The following MAP3K5 variants were observed in gnomAD, a reference collection of about 807,000 sequenced individuals.
MAP3K5 encodes the protein mitogen-activated protein kinase kinase kinase 5.
Under a neutral mutation model 158.7 loss-of-function variants are expected in MAP3K5, and 56 were observed. That is an observed-to-expected ratio of 0.35 (90% CI 0.28 to 0.44). The LOEUF (loss-of-function observed/expected upper bound fraction) is 0.44. Ranked by LOEUF, MAP3K5 falls within the 20% of genes least tolerant of loss-of-function variation. MAP3K5 has a pLI of 1.00. For missense variants in MAP3K5, 1,294 were observed against 1,674.8 expected, an observed-to-expected ratio of 0.77 and a Z score of 3.97; for synonymous variants, 579 against 601.7, an observed-to-expected ratio of 0.96 and a Z score of 0.55.
In MAP3K5 at chr6:136,777,688, T is replaced by C. The variant is rs968005143; in HGVS notation, c.448+14022A>G. 2.4e-4 allele frequency among the ~76,000 whole-genome samples: 37 copies of C among 152,212 alleles called. 1 individual carries two copies. Among genetic ancestry groups the C allele is most frequent in the African/African-American group, 6.0e-4 (25 of 41,452 alleles). On this transcript the variant is annotated intron_variant, in intron 1 of 29. Coordinates refer to ENST00000359015, the MANE Select transcript of MAP3K5 (RefSeq NM_005923.4). Reference sequence around the variant, plus strand: ...TTCAGAGGTAGCCCAGATTTCTCCATTAGAACATGTTTTATGTATATCAAA... The same window carrying C: ...TTCAGAGGTAGCCCAGATTTCTCCACTAGAACATGTTTTATGTATATCAAA...
At chr6:136,563,092 T>C (rs1830590152) in intron 26 of MAP3K5, among the ~76,000 whole-genome samples, 1 of 152,160 alleles carries the variant, frequency 6.6e-6, no homozygotes. Flanking sequence ...ACTGTATTTA[T>C]AATGAGCTCC....
chr6:136,773,819 T>A (rs1784304589), intron 1 of MAP3K5, among the ~76,000 whole-genome samples: 1 of 152,050 alleles, frequency 6.6e-6, no homozygotes, highest in African/African-American at 2.4e-5. Flanking sequence ...AGCTAATTTT[T>A]CTATTTTTAG....
intron 1 of MAP3K5, among the ~76,000 whole-genome samples, chr6:136,772,022 C>T (rs1198628255): frequency 6.6e-6 from 1 of 151,578 alleles, no homozygotes; most frequent in African/African-American, 2.4e-5. Context: ...GATTCTCCTG[C>T]CTCAGCCTCC....
intron 1 of MAP3K5, among the ~76,000 whole-genome samples, chr6:136,734,998 G>A (rs984288456): frequency 5.3e-5 from 8 of 152,118 alleles, no homozygotes; most frequent in Admixed American, 2.6e-4. Context: ...TTACCTAATC[G>A]TCCTATACCT....
chr6:136,578,959 C>T (rs777521497), intron 25 of MAP3K5, among the ~76,000 whole-genome samples: 4 of 151,294 alleles, frequency 2.6e-5, no homozygotes, highest in Non-Finnish European at 4.4e-5. Flanking sequence ...CAGCTTGAGC[C>T]CAGGGGTTTG....
intron 23 of MAP3K5, 95 bp from the exon 24 acceptor site, chr6:136,583,835 TTTC>T: frequency 8.3e-7 from 1 of 1,208,956 alleles, no homozygotes. Context: ...CACATTTTTT[TTTC>T]TTTTGGTAGA....
intron 1 of MAP3K5, among the ~76,000 whole-genome samples, chr6:136,784,820 AT>A (rs200925896): frequency 1.3e-5 from 2 of 151,498 alleles, no homozygotes; most frequent in Non-Finnish European, 2.9e-5. Flanking sequence ...TCCCCCACTA[AT>A]TTTTTTTTAA....
chr6:136,588,608 C>G (rs1775244128), intron 23 of MAP3K5, among the ~76,000 whole-genome samples: 2 of 152,174 alleles, frequency 1.3e-5, no homozygotes, highest in Non-Finnish European at 2.9e-5. Context: ...CAGTGCCTGG[C>G]CTTCGACTGA....
chr6:136,751,362 T>C (rs1254180791), intron 1 of MAP3K5, among the ~76,000 whole-genome samples: 1 of 152,220 alleles, frequency 6.6e-6, no homozygotes, highest in Non-Finnish European at 1.5e-5. Context: ...TAGAATTTAC[T>C]AGCATTAAGG....
chr6:136,715,038 G>A (rs1781462255), intron 2 of MAP3K5, among the ~76,000 whole-genome samples: 1 of 152,088 alleles, frequency 6.6e-6, no homozygotes, highest in African/African-American at 2.4e-5. Flanking sequence ...TTCAGCCAAT[G>A]GTTAAAGATA....
chr6:136,744,980 A>G (rs6939769), intron 1 of MAP3K5, among the ~76,000 whole-genome samples: 11,974 of 152,202 alleles, frequency 0.079, 1,572 homozygotes, highest in African/African-American at 0.27. Context: ...ATCCATTATC[A>G]TGCTCCTTAG....
At chr6:136,706,342 C>CTT (rs1781076813) in intron 2 of MAP3K5, among the ~76,000 whole-genome samples, 1 of 152,016 alleles carries the variant, frequency 6.6e-6, no homozygotes, top group Non-Finnish European at 1.5e-5. Context: ...TGAGATCATA[C>CTT]AAATAATATA....
intron 29 of MAP3K5, among the ~76,000 whole-genome samples, 200 bp from the exon 30 acceptor site, chr6:136,558,018 T>G (rs544490120): frequency 6.6e-6 from 1 of 152,234 alleles, no homozygotes; most frequent in Non-Finnish European, 1.5e-5. Context: ...CAAACTGCTA[T>G]GTCCCAAAAC....
chr6:136,744,711 G>A (rs1668438335), intron 1 of MAP3K5, among the ~76,000 whole-genome samples: 1 of 152,172 alleles, frequency 6.6e-6, no homozygotes, highest in African/African-American at 2.4e-5. Flanking sequence ...CAGCTGCAAA[G>A]CCTAGTCACT....
At chr6:136,760,760 A>C (rs1783714236) in intron 1 of MAP3K5, among the ~76,000 whole-genome samples, 1 of 152,184 alleles carries the variant, frequency 6.6e-6, no homozygotes, top group Admixed American at 6.5e-5. Flanking sequence ...ATCTGAGGTC[A>C]GGAGTTCCAG....
At chr6:136,783,030 G>A (rs887066726) in intron 1 of MAP3K5, among the ~76,000 whole-genome samples, 9 of 152,260 alleles carry the variant, frequency 5.9e-5, no homozygotes, top group Non-Finnish European at 1.2e-4. Context: ...TAGGCTAGGC[G>A]CAGTGGCCCA....
At position 136,791,954 on chromosome 6, in the gene MAP3K5, C is replaced by CG. The variant is rs779108672; in HGVS notation, c.203dup (p.Ala69GlyfsTer118). ...TGGCACTGCTCGAGGAGGTGGCCGC[C>CG]GGACAACCGATGCCAGGGGCAGCGG... On this transcript the variant is annotated frameshift_variant, in exon 1 of 30. Coordinates refer to ENST00000359015, the MANE Select transcript of MAP3K5 (RefSeq NM_005923.4). LOFTEE classifies it high-confidence loss of function. The CG allele has an allele frequency of 6.2e-7, 1 of 1,610,732 alleles. No homozygotes were observed. Among genetic ancestry groups the CG allele is most frequent in the Non-Finnish European group, 8.5e-7 (1 of 1,178,946 alleles).
At chr6:136,610,561 A>C (rs1776286902) in intron 18 of MAP3K5, among the ~76,000 whole-genome samples, 1 of 151,322 alleles carries the variant, frequency 6.6e-6, no homozygotes, top group African/African-American at 2.4e-5. Flanking sequence ...GGTATGAGTA[A>C]GCATCACAGA....
intron 1 of MAP3K5, among the ~76,000 whole-genome samples, chr6:136,721,374 C>A (rs1781742477): frequency 6.7e-6 from 1 of 149,894 alleles, no homozygotes. Flanking sequence ...TAAGTATAAT[C>A]AAGAACAAAA....
Sources: allele counts gnomAD v4.1 joint callset (sites outside exome capture counted in the v4.1 genomes callset), GRCh38; gene constraint gnomAD v4.1.1; transcripts MANE v1.5; gene names NCBI Gene and HGNC (gene_info 2026-07-23, HGNC 2026-07-21).